The following FAM162B variants were observed in gnomAD, a reference collection of about 807,000 sequenced individuals.
FAM162B encodes protein FAM162B.
Under a neutral mutation model 20.0 loss-of-function variants are expected in FAM162B, and 16 were observed. The ratio of observed to expected loss-of-function variants is 0.80; its 90% CI spans 0.54 to 1.21. The LOEUF (loss-of-function observed/expected upper bound fraction) is 1.21. FAM162B is among the 50% of genes most tolerant of loss of function. FAM162B has a pLI of 0.00. For missense variants in FAM162B, 260 were observed against 227.5 expected, an observed-to-expected ratio of 1.14 and a Z score of -0.92; for synonymous variants, 83 against 89.7, an observed-to-expected ratio of 0.93 and a Z score of 0.42.
At position 116,755,262 on chromosome 6, in the gene FAM162B, C is replaced by A. The variant is rs1780039663; in HGVS notation, c.391-2567G>T. 2.0e-5 allele frequency among the ~76,000 whole-genome samples: 3 copies of A among 152,156 alleles called. No individual in the cohort carries two copies. In the South Asian group the frequency reaches 6.2e-4, roughly 32 times the overall value. ...TTAAAAGTACTACTCCAGTGAACAC[C>A]TAAATAAAGTGAAACAGCCTTATTA... On this transcript the variant is annotated intron_variant, in intron 3 of 3. Transcript: ENST00000368557.
intron 2 of FAM162B, among the ~76,000 whole-genome samples, chr6:116,763,399 A>C (rs927789321): frequency 2.0e-5 from 3 of 152,174 alleles, no homozygotes; most frequent in Non-Finnish European, 4.4e-5. Context: ...TTTACATTGT[A>C]AGTGTGACAC....
chr6:116,753,840 G>A (rs1780021655), intron 3 of FAM162B, among the ~76,000 whole-genome samples: 1 of 152,148 alleles, frequency 6.6e-6, no homozygotes, highest in African/African-American at 2.4e-5. Context: ...CTGTTATGAG[G>A]TCCAGGAGAA....
Position 116,761,792 on chromosome 6 carries a change from T to A in FAM162B, c.390+185A>T, listed in dbSNP as rs552466958. Among the ~76,000 whole-genome samples the A allele has an allele frequency of 8.0e-5, 12 of 150,926 alleles. No homozygotes were observed. The East Asian group carries it at 1.7e-3, about 22-fold the overall frequency. On this transcript the variant is annotated intron_variant, in intron 3 of 3. Transcript: ENST00000368557. Reference sequence around the variant, plus strand: ...TGACTTCAAGTCTCAAAGACAAAATTGTTCTTATATTAAAAAACAGCAGTA... The same window carrying A: ...TGACTTCAAGTCTCAAAGACAAAATAGTTCTTATATTAAAAAACAGCAGTA...
chr6:116,759,788 G>C (rs1004783046), intron 3 of FAM162B, among the ~76,000 whole-genome samples: 1 of 151,996 alleles, frequency 6.6e-6, no homozygotes, highest in African/African-American at 2.4e-5. Context: ...TCTTCTCTTT[G>C]CTCATTATAC....
rs1459030036 is a variant in FAM162B, at chr6:116,756,546, T to TAA, written c.391-3852_391-3851insTT. Among the ~76,000 whole-genome samples the TAA allele has an allele frequency of 2.6e-5, 4 of 152,342 alleles. No homozygotes were observed. The East Asian group carries it at 7.7e-4, about 29-fold the overall frequency. ...ATAAACTTAGTTAATAAAGTAGTGG[T>TAA]AGGGTTTGAGAGAACTGACTCCAAT... is the stretch of plus-strand genomic sequence containing the variant. On this transcript the variant is annotated intron_variant, in intron 3 of 3. Transcript: ENST00000368557.
chr6:116,754,850 C>A (rs923176352), intron 3 of FAM162B, among the ~76,000 whole-genome samples: 3 of 152,122 alleles, frequency 2.0e-5, no homozygotes, highest in Non-Finnish European at 2.9e-5. Flanking sequence ...TTCATAACAT[C>A]TGTTATGGTA....
chr6:116,757,750 C>T (rs769137825), intron 3 of FAM162B, among the ~76,000 whole-genome samples: 2 of 122,084 alleles, frequency 1.6e-5, no homozygotes, highest in Non-Finnish European at 3.4e-5. Context: ...CTGTCCTCCT[C>T]CACCAAAAAA....
Position 116,762,044 on chromosome 6 carries a change from T to C in FAM162B, c.323A>G (p.Lys108Arg). The C allele has an allele frequency of 6.2e-7, 1 of 1,600,300 alleles. No homozygotes were observed. Residue 108 changes from lysine to arginine, a missense_variant, in exon 3 of 4, where the codon AAA becomes AGA. Physicochemically the swap from Lys to Arg is conservative, Grantham distance 26 (BLOSUM62 2). Transcript: ENST00000368557. Reference protein sequence around the residue: ...IDTARNKARVKACYIMIGLTI... With the variant: ...IDTARNKARVRACYIMIGLTI... ...GAGTCCAATCATTATGTAACAAGCT[T>C]TCACTCGAGCTTTGTTTCTTGCGGT...
At chr6:116,757,607 G>A (rs527418033) in intron 3 of FAM162B, among the ~76,000 whole-genome samples, 8 of 152,096 alleles carry the variant, frequency 5.3e-5, no homozygotes, top group South Asian at 4.2e-4. Context: ...AAATTAGCCC[G>A]GCATGGTCAT....
At chr6:116,759,457 C>T (rs1193964638) in intron 3 of FAM162B, among the ~76,000 whole-genome samples, 9 of 151,616 alleles carry the variant, frequency 5.9e-5, no homozygotes, top group Non-Finnish European at 1.0e-4. Flanking sequence ...CCCGCCACCA[C>T]GCCTGGCTAA....
At chr6:116,756,923 C>A (rs567020020) in intron 3 of FAM162B, among the ~76,000 whole-genome samples, 1 of 152,288 alleles carries the variant, frequency 6.6e-6, no homozygotes, top group East Asian at 1.9e-4. Context: ...TGTTTTCATT[C>A]ATTTCAATAC....
intron 2 of FAM162B, 40 bp downstream of exon 2, chr6:116,765,107 G>A (rs1771882251): frequency 3.8e-6 from 6 of 1,597,912 alleles, no homozygotes; most frequent in Non-Finnish European, 5.1e-6. Flanking sequence ...CCTTGCGGCC[G>A]GGGACCGACT....
intron 3 of FAM162B, among the ~76,000 whole-genome samples, chr6:116,757,891 G>T (rs147253780): frequency 2.0e-5 from 3 of 152,110 alleles, no homozygotes; most frequent in African/African-American, 4.8e-5. Context: ...CTGATCAGAC[G>T]GAATGAGACA....
Position 116,752,579 on chromosome 6 carries a change from A to G in FAM162B, c.*18T>C, listed in dbSNP as rs772225778. On this transcript the variant is annotated 3_prime_UTR_variant, in exon 4 of 4. Transcript: ENST00000368557. ...TGACAGGGATGGTATTCAGGTGAAC[A>G]CTTTGTCACTTAGAATATCATTTAG... is the stretch of plus-strand genomic sequence containing the variant. 2 of 1,482,912 alleles carry G rather than the reference A, an allele frequency of 1.3e-6. No individual in the cohort carries two copies. The highest frequency in any genetic ancestry group is 1.8e-5 in the Admixed American group (1 of 56,858). 91.9% of individuals were successfully genotyped at this position (1,482,912 alleles called of 1,614,324 possible).
At chr6:116,764,095 T>A (rs1335609552) in intron 2 of FAM162B, among the ~76,000 whole-genome samples, 3 of 152,278 alleles carry the variant, frequency 2.0e-5, no homozygotes, top group Non-Finnish European at 4.4e-5. Context: ...TTTCCTGCCA[T>A]GTTCTCCCAC....
Position 116,756,898 on chromosome 6 carries a change from T to C in FAM162B, c.391-4203A>G, listed in dbSNP as rs879563762. The stretch of plus-strand genomic sequence containing the variant: ...TTTATTGTGAACTGAACATACAATA[T>C]CTCTGAGGTATGCCTGTTTTCATTC... On this transcript the variant is annotated intron_variant, in intron 3 of 3. Coordinates refer to ENST00000368557, the MANE Select transcript of FAM162B (RefSeq NM_001085480.3). 2.0e-5 allele frequency among the ~76,000 whole-genome samples: 3 copies of C among 152,340 alleles called. No homozygotes were observed. In the East Asian group the frequency reaches 5.8e-4, roughly 29 times the overall value.
At chr6:116,765,057 C>T in intron 2 of FAM162B, 90 bp downstream of exon 2, 1 of 1,289,308 alleles carries the variant, frequency 7.8e-7, no homozygotes. Context: ...GCCGCTTTCG[C>T]TCCTAGGTGG....
intron 3 of FAM162B, among the ~76,000 whole-genome samples, chr6:116,754,293 C>T (rs1033171852): frequency 2.0e-5 from 3 of 152,204 alleles, no homozygotes; most frequent in African/African-American, 7.2e-5. Context: ...TGAGCAGAAT[C>T]TGAGGGAGGG....
chr6:116,755,254 G>A (rs1780039521), intron 3 of FAM162B, among the ~76,000 whole-genome samples: 1 of 152,192 alleles, frequency 6.6e-6, no homozygotes, highest in African/African-American at 2.4e-5. Context: ...TACTACTCCA[G>A]TGAACACCTA....
Sources: gnomAD v4.1 joint callset for allele counts (sites outside exome capture counted in the v4.1 genomes callset) on GRCh38, gnomAD v4.1.1 for gene constraint, MANE v1.5 for transcripts, NCBI Gene and HGNC (gene_info 2026-07-23, HGNC 2026-07-21) for gene names.